ACTR3C: variants seen among roughly 807,000 people sequenced by gnomAD.
The protein encoded by ACTR3C is actin-related protein 3C.
A neutral mutation model predicts 26.3 loss-of-function variants in ACTR3C; 18 were observed. That is an observed-to-expected ratio of 0.68 (90% CI 0.47 to 1.01). ACTR3C has a LOEUF of 1.01. Ranked by LOEUF, ACTR3C falls within the 50% of genes least tolerant of loss-of-function variation. The pLI, the probability that ACTR3C is intolerant of heterozygous loss-of-function variation, is 0.00. For missense variants in ACTR3C, 184 were observed against 250.7 expected, an observed-to-expected ratio of 0.73 and a Z score of 1.80; for synonymous variants, 55 against 94.5, an observed-to-expected ratio of 0.58 and a Z score of 2.42.
At chr7:149,945,768 G>A in the ACTR3C span, among the ~76,000 whole-genome samples, 1 of 152,162 alleles carries the variant, frequency 6.6e-6, no homozygotes, top group Non-Finnish European at 1.5e-5. Context: ...TCGGGTTCTG[G>A]GGAAGCACTG....
the ACTR3C span, among the ~76,000 whole-genome samples, chr7:149,973,250 C>G: frequency 6.6e-6 from 1 of 152,206 alleles, no homozygotes; most frequent in African/African-American, 2.4e-5. Context: ...GGGTCACTCT[C>G]CAGTCTAACC....
the ACTR3C span, among the ~76,000 whole-genome samples, chr7:150,206,737 C>T: frequency 6.6e-6 from 1 of 152,118 alleles, no homozygotes; most frequent in Non-Finnish European, 1.5e-5. Flanking sequence ...AGTCTTAATC[C>T]CTTAGAAGAT....
rs1261465596 is a variant in ACTR3C at position 150,263,059 on chromosome 7, T to C, written c.565-14005A>G. 4.6e-5 allele frequency among the ~76,000 whole-genome samples: 7 copies of C among 152,088 alleles called. No homozygotes were observed. The East Asian group carries it at 1.3e-3, about 29-fold the overall frequency. On this transcript the variant is annotated intron_variant, in intron 6 of 7. Transcript: ENST00000683684. ...AACGAACTAGAAGACTCTGTCTAAA[T>C]GAAGAGAGGTATGGAGGCTTCCTAT...
chr7:150,079,294 T>C, the ACTR3C span, among the ~76,000 whole-genome samples: 246 of 152,250 alleles, frequency 1.6e-3, no homozygotes, highest in African/African-American at 5.7e-3. Flanking sequence ...AACTTACATA[T>C]GGCTGCAGGA....
At chr7:150,180,673 T>C in the ACTR3C span, among the ~76,000 whole-genome samples, 94,883 of 147,938 alleles carry the variant, frequency 0.64, 31,610 homozygotes, top group East Asian at 0.83. Flanking sequence ...CCACCACGCC[T>C]GGCTAATTTT....
At chr7:150,049,249 A>C in the ACTR3C span, among the ~76,000 whole-genome samples, 1 of 149,472 alleles carries the variant, frequency 6.7e-6, no homozygotes, top group Non-Finnish European at 1.5e-5. Flanking sequence ...TCCCTCCTGC[A>C]CTCTTCTCCG....
chr7:150,306,568 C>T (rs1366191781), intron 1 of ACTR3C, among the ~76,000 whole-genome samples: 15 of 152,188 alleles, frequency 9.9e-5, no homozygotes, highest in Non-Finnish European at 1.6e-4. Context: ...AACTGTGGGC[C>T]GGGTATGGTG....
At chr7:150,151,968 G>C in the ACTR3C span, among the ~76,000 whole-genome samples, 4 of 139,052 alleles carry the variant, frequency 2.9e-5, 1 homozygote, top group African/African-American at 9.9e-5. Flanking sequence ...AAGAATGCTT[G>C]TGATTTTTGT....
At chr7:150,133,655 A>G in the ACTR3C span, among the ~76,000 whole-genome samples, 1 of 151,782 alleles carries the variant, frequency 6.6e-6, no homozygotes, top group South Asian at 2.1e-4. Context: ...CCCTGACCAC[A>G]CTCTAACATT....
chr7:149,900,158 T>C, the ACTR3C span, among the ~76,000 whole-genome samples: 2 of 150,912 alleles, frequency 1.3e-5, no homozygotes, highest in African/African-American at 4.9e-5. Flanking sequence ...ATTTTTGTTG[T>C]TGTTGTTTTT....
chr7:150,064,173 A>G, the ACTR3C span, among the ~76,000 whole-genome samples: 1 of 151,220 alleles, frequency 6.6e-6, no homozygotes, highest in Non-Finnish European at 1.5e-5. Context: ...GGATGGCTTC[A>G]CAAATGGTAC....
the ACTR3C span, chr7:150,040,416 C>T: frequency 4.7e-5 from 7 of 148,422 alleles, no homozygotes; most frequent in African/African-American, 1.3e-4. Context: ...TAATGAAAGA[C>T]TTGCTGTTGT....
At chr7:149,893,914 A>C in the ACTR3C span, among the ~76,000 whole-genome samples, 1 of 152,320 alleles carries the variant, frequency 6.6e-6, no homozygotes. Context: ...GGCATCCTTC[A>C]CAGAAATAGA....
the ACTR3C span, among the ~76,000 whole-genome samples, chr7:150,106,120 C>G: frequency 1.3e-5 from 2 of 151,852 alleles, no homozygotes; most frequent in Non-Finnish European, 2.9e-5. Context: ...ACAGCCAAAT[C>G]ACTCAAGCTG....
chr7:149,898,138 A>G, the ACTR3C span, among the ~76,000 whole-genome samples: 2 of 152,120 alleles, frequency 1.3e-5, no homozygotes, highest in East Asian at 1.9e-4. Flanking sequence ...TGAGAAGTGA[A>G]GAGGACATTG....
chr7:150,058,674 G>T, the ACTR3C span, among the ~76,000 whole-genome samples: 68,123 of 151,978 alleles, frequency 0.45, 15,500 homozygotes, highest in East Asian at 0.55. Context: ...CTCAGCACTT[G>T]GGGAGGCCAA....
chr7:150,111,542 A>G, the ACTR3C span, among the ~76,000 whole-genome samples: 3 of 82,140 alleles, frequency 3.7e-5, no homozygotes, highest in Non-Finnish European at 7.1e-5. Context: ...GCATTCACCC[A>G]CTTTCTCACT....
the ACTR3C span, among the ~76,000 whole-genome samples, chr7:150,102,366 A>C: frequency 6.6e-6 from 1 of 152,000 alleles, no homozygotes; most frequent in African/African-American, 2.4e-5. Flanking sequence ...ATGAAATTAA[A>C]TATAGAATAT....
the ACTR3C span, among the ~76,000 whole-genome samples, chr7:150,173,554 A>G: frequency 1.0e-3 from 154 of 149,396 alleles, 6 homozygotes; most frequent in African/African-American, 3.8e-3. Context: ...AGGGGCTACC[A>G]TGAAGACCTC....
Sources: allele counts gnomAD v4.1 joint callset (sites outside exome capture counted in the v4.1 genomes callset), GRCh38; gene constraint gnomAD v4.1.1; transcripts MANE v1.5; gene names NCBI Gene and HGNC (gene_info 2026-07-23, HGNC 2026-07-21).